Variants in NDEL1 observed in about 807,000 individuals in gnomAD.
NDEL1 encodes the protein nuclear distribution protein nudE-like 1.
In NDEL1, 9 loss-of-function variants were observed where a neutral mutation model predicts 45.7. The observed-to-expected ratio is 0.20, with a 90% confidence interval of 0.12 to 0.34. The LOEUF (loss-of-function observed/expected upper bound fraction) is 0.34, where lower values mean the gene tolerates loss of function less well. Among genes scored for constraint, NDEL1 ranks in the 10% least tolerant of loss-of-function variants. NDEL1 has a pLI of 1.00. For synonymous variants in NDEL1, 133 were observed against 158.6 expected, an observed-to-expected ratio of 0.84 and a Z score of 1.21; for missense variants, 306 against 406.2, an observed-to-expected ratio of 0.75 and a Z score of 2.12.
At chr17:8,445,356 G>A (rs560448604) in intron 2 of NDEL1, among the ~76,000 whole-genome samples, 3 of 152,302 alleles carry the variant, frequency 2.0e-5, no homozygotes, top group Admixed American at 1.3e-4. Context: ...GTGAAAATAT[G>A]TGTGATTTCT....
intron 1 of NDEL1, 146 bp downstream of exon 1, chr17:8,436,191 G>A (rs1909323565): frequency 4.1e-6 from 1 of 245,500 alleles, no homozygotes; most frequent in Non-Finnish European, 8.1e-6. Context: ...CGGCCAGCCT[G>A]GGGGCAACTG....
At chr17:8,463,310 C>CT in intron 8 of NDEL1, 1 of 1,609,360 alleles carries the variant, frequency 6.2e-7, no homozygotes, top group East Asian at 2.2e-5. Flanking sequence ...GTTCTCCTTT[C>CT]TTTTATTAGG....
downstream of NDEL1, among the ~76,000 whole-genome samples, chr17:8,470,310 C>T (rs766750871): frequency 1.9e-4 from 29 of 152,084 alleles, 1 homozygote; most frequent in African/African-American, 9.7e-5. This position sits in a 1 kb window ranked among gnomAD's most constrained non-coding sequence, Gnocchi z 4.2. Flanking sequence ...TTCCTTGAGC[C>T]GCATCTGTGT....
chr17:8,437,269 A>G (rs1319753966), intron 1 of NDEL1, among the ~76,000 whole-genome samples: 1 of 152,212 alleles, frequency 6.6e-6, no homozygotes, highest in Non-Finnish European at 1.5e-5. Flanking sequence ...TGCGTGAGAA[A>G]CAAAACCTTT....
chr17:8,452,227 A>G (rs540272250), intron 6 of NDEL1, among the ~76,000 whole-genome samples: 15 of 152,368 alleles, frequency 9.8e-5, no homozygotes, highest in African/African-American at 3.1e-4. Flanking sequence ...GAGGACTAAC[A>G]AAGTTTTACT....
At position 8,445,597 on chromosome 17, in the gene NDEL1, T is replaced by G. The variant is rs1250294717; in HGVS notation, c.87-114T>G. 5 of 1,087,662 alleles carry G rather than the reference T, an allele frequency of 4.6e-6. No individual in the cohort carries two copies. The African/African-American group carries it at 8.3e-5, about 18-fold the overall frequency. 67.4% of individuals were successfully genotyped at this position (1,087,662 alleles called of 1,614,324 possible). A position where few individuals can be genotyped will look rare whatever the true frequency, so the allele number is the denominator to read the frequency against. ...GCAAAACAGATTGTCTTTAGTATAT[T>G]TTATGAGAGCATTAGCATTCAAGCA... is the stretch of plus-strand genomic sequence containing the variant. On this transcript the variant is annotated intron_variant, in intron 2 of 8. Coordinates refer to ENST00000334527, the MANE Select transcript of NDEL1 (RefSeq NM_030808.5).
intron 1 of NDEL1, among the ~76,000 whole-genome samples, chr17:8,438,225 G>A (rs1408873990): frequency 6.6e-6 from 1 of 152,164 alleles, no homozygotes; most frequent in African/African-American, 2.4e-5. Flanking sequence ...ACAAAGTGCT[G>A]GGATTACAGG....
At position 8,467,416 on chromosome 17, in the gene NDEL1, C is replaced by T; in HGVS notation, c.*393C>T. 2.4e-6 allele frequency: 1 copy of T among 408,900 alleles called. No homozygotes were observed. The highest frequency in any genetic ancestry group is 3.6e-5 in the East Asian group (1 of 27,926). 25.3% of individuals were successfully genotyped at this position (408,900 alleles called of 1,614,324 possible). A position where few individuals can be genotyped will look rare whatever the true frequency, so the allele number is the denominator to read the frequency against. ...TTGCAAATCTTCTAGAAGTTCTCCC[C>T]CAAATCAGGTCAATGTGTGCCCTCC... On this transcript the variant is annotated 3_prime_UTR_variant, in exon 9 of 9. Transcript: ENST00000334527. This position sits in a 1 kb window ranked among gnomAD's most constrained non-coding sequence, Gnocchi z 6.3.
chr17:8,444,423 A>G (rs1006723639), intron 2 of NDEL1, 66 bp downstream of exon 2: 4 of 1,096,934 alleles, frequency 3.6e-6, no homozygotes, highest in Non-Finnish European at 5.4e-6. Flanking sequence ...TTGTTTGTGC[A>G]TTTTTCTTTT....
chr17:8,445,235 T>C (rs1411327246), intron 2 of NDEL1, among the ~76,000 whole-genome samples: 2 of 152,194 alleles, frequency 1.3e-5, no homozygotes, highest in Non-Finnish European at 2.9e-5. Flanking sequence ...TACTTCTCTA[T>C]TAATGCATTA....
At chr17:8,468,477 C>G (rs987576713), downstream of NDEL1, among the ~76,000 whole-genome samples, 11 of 152,354 alleles carry the variant, frequency 7.2e-5, no homozygotes, top group Admixed American at 2.0e-4. Flanking sequence ...TGGGATGGAT[C>G]CGGGACCTGG....
intron 3 of NDEL1, among the ~76,000 whole-genome samples, chr17:8,446,287 A>T (rs1233571859): frequency 6.6e-6 from 1 of 152,190 alleles, no homozygotes; most frequent in Admixed American, 6.6e-5. Flanking sequence ...TCTAAAAAGG[A>T]ATTTTCAGGA....
chr17:8,444,414 T>G, intron 2 of NDEL1, 57 bp downstream of exon 2: 1 of 1,137,208 alleles, frequency 8.8e-7, no homozygotes, highest in East Asian at 2.4e-5. Context: ...CACCGTGTCT[T>G]GTTTGTGCAT....
chr17:8,424,611 C>T (rs764429820), intron 1 of NDEL1, among the ~76,000 whole-genome samples: 5 of 152,358 alleles, frequency 3.3e-5, no homozygotes, highest in Non-Finnish European at 5.9e-5. Context: ...ACGCCATTCT[C>T]CTGCCTCAGC....
At position 8,450,807 on chromosome 17, in the gene NDEL1, A is replaced by G. The variant is rs1244565517; in HGVS notation, c.554A>G (p.Glu185Gly). 1 of 1,610,768 alleles carries G rather than the reference A, an allele frequency of 6.2e-7. No homozygotes were observed. Among genetic ancestry groups the G allele is most frequent in the Non-Finnish European group, 8.5e-7 (1 of 1,178,888 alleles). The change falls in exon 6 of 9, where the codon GAA becomes GGA. Residue 185 changes from glutamate to glycine, a missense_variant. Transcript: ENST00000334527. Reference protein sequence around the residue: ...RDLRQELAVRERQQEVTRKSA... With the variant: ...RDLRQELAVRGRQQEVTRKSA... ...TTAAGGCAAGAACTAGCAGTTCGGG[A>G]AAGACAACAGGAAGTAACTAGAAAG...
At chr17:8,471,151 G>T (rs536566030), downstream of NDEL1, among the ~76,000 whole-genome samples, 161 of 152,268 alleles carry the variant, frequency 1.1e-3, 1 homozygote, top group Middle Eastern at 3.4e-3. Flanking sequence ...CAAGTTTTTT[G>T]TTGTTGTTGT....
chr17:8,460,889 C>A (rs888180237), intron 8 of NDEL1, among the ~76,000 whole-genome samples: 1 of 152,148 alleles, frequency 6.6e-6, no homozygotes, highest in African/African-American at 2.4e-5. Flanking sequence ...ACTTCTATTG[C>A]CATTATCTTT....
At chr17:8,468,547 C>T (rs1035634380), downstream of NDEL1, among the ~76,000 whole-genome samples, 10 of 152,212 alleles carry the variant, frequency 6.6e-5, no homozygotes, top group East Asian at 3.8e-4. Flanking sequence ...GAAGTCGCTT[C>T]GAACCGGCAC....
At chr17:8,430,200 T>G (rs918393268) in intron 1 of NDEL1, among the ~76,000 whole-genome samples, 1 of 152,144 alleles carries the variant, frequency 6.6e-6, no homozygotes, top group Non-Finnish European at 1.5e-5. Flanking sequence ...GAGGTGGTGG[T>G]GGGACATCTG....
Sources: gnomAD v4.1 joint callset for allele counts (sites outside exome capture counted in the v4.1 genomes callset) on GRCh38, gnomAD v4.1.1 for gene constraint, Gnocchi (gnomAD v3.1) non-coding constraint, MANE v1.5 for transcripts, NCBI Gene and HGNC (gene_info 2026-07-23, HGNC 2026-07-21) for gene names.